CDH18: variants seen among roughly 807,000 people sequenced by gnomAD.
CDH18 encodes cadherin 18.
Under a neutral mutation model 67.9 loss-of-function variants are expected in CDH18, and 31 were observed. That is an observed-to-expected ratio of 0.46 (90% CI 0.34 to 0.62). The LOEUF is 0.62. Among genes scored for constraint, CDH18 ranks in the 20% least tolerant of loss-of-function variants. The pLI is 0.01. For synonymous variants in CDH18, 362 were observed against 347.2 expected, an observed-to-expected ratio of 1.04 and a Z score of -0.48; for missense variants, 890 against 975.5, an observed-to-expected ratio of 0.91 and a Z score of 1.17.
At chr5:20,375,557 G>A (rs1201324751) in intron 1 of CDH18, among the ~76,000 whole-genome samples, 1 of 152,166 alleles carries the variant, frequency 6.6e-6, no homozygotes, top group Admixed American at 6.5e-5. Context: ...CTACATATGT[G>A]CATAAATATT....
rs543233253 is a variant in CDH18, at chr5:20,015,875, A to G, written c.-517-23861T>C. Among the ~76,000 whole-genome samples, 3 of 152,284 alleles carry G rather than the reference A, an allele frequency of 2.0e-5. No individual in the cohort carries two copies. The South Asian group carries it at 6.2e-4, about 32-fold the overall frequency. On this transcript the variant is annotated intron_variant, in intron 2 of 14. Transcript: ENST00000507958. Reference sequence around the variant, plus strand: ...TAGTTGGTATAGGTAAGACTGGATGAAATTTTAGATGAATTAGGTCTTTAG... The same window carrying G: ...TAGTTGGTATAGGTAAGACTGGATGGAATTTTAGATGAATTAGGTCTTTAG...
chr5:20,231,197 A>C (rs1370802175), intron 2 of CDH18, among the ~76,000 whole-genome samples: 2 of 152,238 alleles, frequency 1.3e-5, no homozygotes, highest in Non-Finnish European at 1.5e-5. Context: ...GCAACATTTA[A>C]AATATATCAA....
At chr5:19,965,743 G>A (rs1410062456) in intron 2 of CDH18, among the ~76,000 whole-genome samples, 1 of 148,318 alleles carries the variant, frequency 6.7e-6, no homozygotes, top group East Asian at 1.9e-4. Flanking sequence ...GAGAGAGGCA[G>A]GTAGAAAGAG....
chr5:20,390,942 C>T (rs781511398), intron 1 of CDH18, among the ~76,000 whole-genome samples: 3 of 151,852 alleles, frequency 2.0e-5, no homozygotes, highest in Non-Finnish European at 2.9e-5. Context: ...AATGAGAACA[C>T]ATGGACCCAG....
At chr5:19,698,231 A>G (rs1021580616) in intron 5 of CDH18, among the ~76,000 whole-genome samples, 3 of 152,194 alleles carry the variant, frequency 2.0e-5, no homozygotes, top group African/African-American at 7.2e-5. Flanking sequence ...TGATTTTAAG[A>G]TATGGAAGTT....
At chr5:19,897,755 AT>A (rs1350069583) in intron 2 of CDH18, among the ~76,000 whole-genome samples, 1 of 152,104 alleles carries the variant, frequency 6.6e-6, no homozygotes, top group Non-Finnish European at 1.5e-5. Context: ...TTACAACTAT[AT>A]GCACCATTAT....
chr5:19,767,152 T>C (rs568064302), intron 3 of CDH18, among the ~76,000 whole-genome samples: 1 of 152,116 alleles, frequency 6.6e-6, no homozygotes, highest in East Asian at 1.9e-4. Context: ...CTTGGCTCAG[T>C]GGAATTCTAA....
At chr5:19,890,344 C>A (rs1393796742) in intron 2 of CDH18, among the ~76,000 whole-genome samples, 1 of 152,034 alleles carries the variant, frequency 6.6e-6, no homozygotes, top group Non-Finnish European at 1.5e-5. Flanking sequence ...CATCTCAAGA[C>A]CCTTAATCAC....
chr5:20,340,559 C>T (rs1402329393), intron 1 of CDH18, among the ~76,000 whole-genome samples: 1 of 152,154 alleles, frequency 6.6e-6, no homozygotes, highest in Non-Finnish European at 1.5e-5. Context: ...CTGGAAGGCT[C>T]ACTGTCCCTG....
intron 2 of CDH18, among the ~76,000 whole-genome samples, chr5:20,222,764 C>T (rs1741332169): frequency 6.6e-6 from 1 of 151,728 alleles, no homozygotes; most frequent in Non-Finnish European, 1.5e-5. Flanking sequence ...CAGGTAAATT[C>T]CTTTAACAAA....
intron 1 of CDH18, among the ~76,000 whole-genome samples, chr5:20,380,122 T>C (rs1743796552): frequency 6.6e-6 from 1 of 152,180 alleles, no homozygotes; most frequent in Admixed American, 6.5e-5. Context: ...TAGCTAGATC[T>C]AAAATGTAGC....
intron 5 of CDH18, among the ~76,000 whole-genome samples, chr5:19,623,744 G>A (rs1199336469): frequency 1.3e-5 from 2 of 151,144 alleles, no homozygotes; most frequent in Non-Finnish European, 1.5e-5. Context: ...TATATTTAGA[G>A]TCATATAATT....
intron 1 of CDH18, among the ~76,000 whole-genome samples, chr5:20,496,265 T>A (rs964446743): frequency 6.6e-6 from 1 of 152,146 alleles, no homozygotes; most frequent in African/African-American, 2.4e-5. Context: ...AAACAATTTA[T>A]CTTTAGGTTT....
intron 2 of CDH18, among the ~76,000 whole-genome samples, chr5:20,099,536 A>G (rs959049563): frequency 6.6e-6 from 1 of 152,162 alleles, no homozygotes; most frequent in Non-Finnish European, 1.5e-5. Flanking sequence ...TTATCCACAT[A>G]AATCATACAT....
At chr5:19,781,035 T>C (rs957122929) in intron 3 of CDH18, among the ~76,000 whole-genome samples, 1 of 152,134 alleles carries the variant, frequency 6.6e-6, no homozygotes, top group Non-Finnish European at 1.5e-5. Context: ...AATAAATGTG[T>C]TATTCCAATG....
At chr5:20,219,376 C>A (rs539972806) in intron 2 of CDH18, among the ~76,000 whole-genome samples, 13 of 151,932 alleles carry the variant, frequency 8.6e-5, no homozygotes, top group Admixed American at 2.0e-4. Flanking sequence ...AATGTCAACA[C>A]TGCTGAATTT....
intron 2 of CDH18, among the ~76,000 whole-genome samples, chr5:20,021,225 T>A (rs914096169): frequency 1.3e-5 from 2 of 152,140 alleles, no homozygotes; most frequent in Admixed American, 6.5e-5. Flanking sequence ...CAAATTTATT[T>A]TTAATTTTAC....
intron 1 of CDH18, among the ~76,000 whole-genome samples, chr5:20,329,035 A>T (rs1334448717): frequency 6.6e-6 from 1 of 152,226 alleles, no homozygotes; most frequent in Non-Finnish European, 1.5e-5. Context: ...AAACAATATT[A>T]GCTATTTACT....
At chr5:19,912,520 C>T (rs1382144090) in intron 2 of CDH18, among the ~76,000 whole-genome samples, 1 of 152,150 alleles carries the variant, frequency 6.6e-6, no homozygotes, top group Non-Finnish European at 1.5e-5. Context: ...GTTGAGTGAT[C>T]ATCTACTAGT....
Sources: allele counts gnomAD v4.1 joint callset (sites outside exome capture counted in the v4.1 genomes callset), GRCh38; gene constraint gnomAD v4.1.1; transcripts MANE v1.5; gene names NCBI Gene and HGNC (gene_info 2026-07-23, HGNC 2026-07-21).